The following CP variants were observed in gnomAD, a reference collection of about 807,000 sequenced individuals.
CP encodes ceruloplasmin, also known as caeruloplasmin.
Under a neutral mutation model 122.4 loss-of-function variants are expected in CP, and 64 were observed. The observed-to-expected ratio is 0.52, with a 90% confidence interval of 0.43 to 0.64. The LOEUF (loss-of-function observed/expected upper bound fraction) is 0.64. Among genes scored for constraint, CP ranks in the 30% least tolerant of loss-of-function variants. CP has a pLI of 0.00. For missense variants in CP, 1,167 were observed against 1,284.4 expected, an observed-to-expected ratio of 0.91 and a Z score of 1.40; for synonymous variants, 440 against 436.4, an observed-to-expected ratio of 1.01 and a Z score of -0.10.
In CP at chr3:149,206,312, T is replaced by C; in HGVS notation, c.1064A>G (p.Gln355Arg). The change falls in exon 6 of 19, where the codon CAG becomes CGG. Residue 355 changes from glutamine to arginine, a missense_variant. By Grantham distance (43) the Gln-to-Arg change is conservative. Coordinates refer to ENST00000264613, the MANE Select transcript of CP (RefSeq NM_000096.4). ...KAGLQAFFQVQECNKSSSKDN... is the reference protein window; with the variant it reads ...KAGLQAFFQVRECNKSSSKDN... ...CTTTGATGAAGACTTGTTACACTCCTGGACCTGGAAAAAGGCTTGCAAACC... is the reference window on the plus strand; with the variant it reads ...CTTTGATGAAGACTTGTTACACTCCCGGACCTGGAAAAAGGCTTGCAAACC... 6.2e-7 allele frequency: 1 copy of C among 1,613,970 alleles called. No homozygotes were observed. The highest frequency in any genetic ancestry group is 8.5e-7 in the Non-Finnish European group (1 of 1,179,832).
chr3:149,212,024 T>G (rs12107157), intron 2 of CP, among the ~76,000 whole-genome samples: 3 of 152,090 alleles, frequency 2.0e-5, no homozygotes, highest in Non-Finnish European at 4.4e-5. Context: ...CCGGGTGCAG[T>G]GACTCACGCC....
In CP at chr3:149,178,429, C is replaced by T. The variant is rs1725556395; in HGVS notation, c.2864G>A (p.Ser955Asn). 5 of 1,607,206 alleles carry T rather than the reference C, an allele frequency of 3.1e-6. No individual in the cohort carries two copies. In the East Asian group the frequency reaches 8.9e-5, roughly 29 times the overall value. ...ATGTGACATACCATGCATTTTATTGCTTTCTATGAATTCCTCATCATCTTT... is the reference window on the plus strand; with the variant it reads ...ATGTGACATACCATGCATTTTATTGTTTTCTATGAATTCCTCATCATCTTT... The part of the protein sequence containing the change: ...VNKDDEEFIE[S>N]NKMHAINGRM... The change falls in exon 16 of 19, where the codon AGC (serine) becomes AAC (asparagine). Residue 955 changes from serine to asparagine, a missense_variant. Physicochemically the swap from Ser to Asn is conservative, Grantham distance 46. This residue lies in a region of CP where 525 missense variants were observed against 657.2 expected (regional missense o/e 0.80). Transcript: ENST00000264613.
chr3:149,162,946 T>A, intron 5 of CP: 1 of 1,257,002 alleles, frequency 8.0e-7, no homozygotes, highest in Non-Finnish European at 1.2e-6. Flanking sequence ...TACCTTATTT[T>A]TAATAACTTA....
chr3:149,220,877 C>A (rs927222339), intron 1 of CP, among the ~76,000 whole-genome samples: 3 of 152,038 alleles, frequency 2.0e-5, no homozygotes, highest in African/African-American at 7.2e-5. Flanking sequence ...AAAGTGAAGA[C>A]CTCAGTATAG....
At chr3:149,164,980 G>A (rs1724263010) in intron 5 of CP, among the ~76,000 whole-genome samples, 1 of 152,176 alleles carries the variant, frequency 6.6e-6, no homozygotes, top group South Asian at 2.1e-4. Context: ...GCTTAGAGGA[G>A]GGAAGCTGAA....
At chr3:149,219,229 C>T (rs946921269) in intron 1 of CP, among the ~76,000 whole-genome samples, 32 of 152,154 alleles carry the variant, frequency 2.1e-4, no homozygotes, top group African/African-American at 7.7e-4. Context: ...GTTAAAGTCA[C>T]AGGACAATAA....
At chr3:149,194,689 T>C (rs1439033775) in intron 9 of CP, among the ~76,000 whole-genome samples, 1 of 152,140 alleles carries the variant, frequency 6.6e-6, no homozygotes, top group Non-Finnish European at 1.5e-5. Context: ...CTTGAACAAA[T>C]GGAAAGACAT....
chr3:149,205,378 T>TTC (rs1159908948), intron 6 of CP, among the ~76,000 whole-genome samples: 66 of 149,172 alleles, frequency 4.4e-4, no homozygotes, highest in African/African-American at 1.2e-3. Flanking sequence ...AGAAGCGGAA[T>TTC]CGCTTCTAGC....
chr3:149,214,674 A>C lies in CP; in HGVS notation c.147-1976T>G, dbSNP rs189675570. ...CCATTTCCCAATTTGTTAAAGCAAA[A>C]TAGGAAAAGATTGGGAGAGACTTCA... On this transcript the variant is annotated intron_variant, in intron 1 of 18. Coordinates refer to ENST00000264613, the MANE Select transcript of CP (RefSeq NM_000096.4). 9.2e-5 allele frequency among the ~76,000 whole-genome samples: 14 copies of C among 152,300 alleles called. No homozygotes were observed. The East Asian group carries it at 2.3e-3, about 25-fold the overall frequency.
At position 149,221,749 on chromosome 3, in the gene CP, G is replaced by C; in HGVS notation, c.44C>G (p.Thr15Ser). The change falls in exon 1 of 19, where the codon ACC (threonine) becomes AGC (serine). Residue 15 changes from threonine (T) to serine (S), a missense_variant. Thr to Ser is a moderately conservative substitution (Grantham distance 58). Around this residue, in one of 2 missense-constraint regions of CP, gnomAD observed 642 missense variants for 627.3 expected, o/e 1.02. Transcript: ENST00000264613. ...ATGCTTTTCTTTCGCCCAGGCTGGG[G>C]TACTACATAAAAACAGAAAAATACC... Reference protein sequence around the residue: ...ILGIFLFLCSTPAWAKEKHYY... With the variant: ...ILGIFLFLCSSPAWAKEKHYY... 1 of 1,613,682 alleles carries C rather than the reference G, an allele frequency of 6.2e-7. No homozygotes were observed. The highest frequency in any genetic ancestry group is 1.1e-5 in the South Asian group (1 of 91,022).
At position 149,210,378 on chromosome 3, in the gene CP, C is replaced by T. The variant is rs267599642; in HGVS notation, c.396G>A (p.Gly132=). The T allele has an allele frequency of 5.6e-6, 9 of 1,613,632 alleles. No individual in the cohort carries two copies. The highest frequency in any genetic ancestry group is 2.2e-5 in the South Asian group (2 of 91,050). ...HGITYYKEHE[G]AIYPDNTTDF... is the part of the protein sequence containing the mutation. Reference sequence around the variant, plus strand: ...CTGTGGTGTTATCAGGGTAGATGGCCCCTAGGAAGCAACATGCAATGAAGG... The same window carrying T: ...CTGTGGTGTTATCAGGGTAGATGGCTCCTAGGAAGCAACATGCAATGAAGG... Residue 132 remains glycine, a splice_region_variant and synonymous_variant, in exon 3 of 19, where the codon GGG becomes GGA. Coordinates refer to ENST00000264613, the MANE Select transcript of CP (RefSeq NM_000096.4).
intron 14 of CP, 133 bp from the exon 15 acceptor site, chr3:149,179,795 A>G (rs1725663603): frequency 1.5e-6 from 1 of 677,254 alleles, no homozygotes; most frequent in Non-Finnish European, 2.6e-6. Flanking sequence ...CAGTGTAATT[A>G]GTTTTTAAAA....
In CP at chr3:149,178,714, G is replaced by C. The variant is rs1016283844; in HGVS notation, c.2662-83C>G. The C allele has an allele frequency of 2.7e-5, 27 of 999,082 alleles. No individual in the cohort carries two copies. The Admixed American group carries it at 5.2e-4, about 19-fold the overall frequency. The allele number at this position is 999,082 out of a possible 1,614,324, so 61.9% of individuals were successfully genotyped here. A position where few individuals can be genotyped will look rare whatever the true frequency, so the allele number is the denominator to read the frequency against. On this transcript the variant is annotated intron_variant, in intron 15 of 18. Transcript: ENST00000264613. ...CTGAGACTTTGCACCCAGGGCCTCA[G>C]GAATTTTGGAGAGACCAATTGAAGT...
chr3:149,209,837 ACCGTGGAGTG>A (rs1727988575), intron 3 of CP, among the ~76,000 whole-genome samples: 1 of 152,218 alleles, frequency 6.6e-6, no homozygotes, highest in African/African-American at 2.4e-5. Context: ...CAGATCTATC[ACCGTGGAGTG>A]CCCTTTTGGT....
chr3:149,190,461 C>T (rs1002371161), intron 9 of CP, among the ~76,000 whole-genome samples: 2 of 152,228 alleles, frequency 1.3e-5, no homozygotes, highest in South Asian at 2.1e-4. Context: ...AGGTTGCAAC[C>T]AGCCTGGCCA....
At position 149,210,222 on chromosome 3, in the gene CP, A is replaced by G; in HGVS notation, c.552T>C (p.Asp184=). The stretch of plus-strand genomic sequence containing the variant: ...GTCCTGAGGCAATATCTTTTGGAGC[A>G]TCAATGTGGGAATGGTAAATCCTAG... The part of the protein sequence containing the change: ...CVTRIYHSHI[D]APKDIASGLI... The change falls in exon 3 of 19, where the codon GAT becomes GAC. Residue 184 remains aspartate, a synonymous_variant. Coordinates refer to ENST00000264613, the MANE Select transcript of CP (RefSeq NM_000096.4). The G allele has an allele frequency of 6.2e-7, 1 of 1,614,070 alleles. No homozygotes were observed. The highest frequency in any genetic ancestry group is 8.5e-7 in the Non-Finnish European group (1 of 1,179,936).
Position 149,206,302 on chromosome 3 carries a change from G to T in CP, c.1074C>A (p.Asn358Lys). ...LQAFFQVQEC[N>K]KSSSKDNIRG... ...GGATATTATCCTTTGATGAAGACTTGTTACACTCCTGGACCTGGAAAAAGG... is the reference window on the plus strand; with the variant it reads ...GGATATTATCCTTTGATGAAGACTTTTTACACTCCTGGACCTGGAAAAAGG... The change falls in exon 6 of 19, where the codon AAC becomes AAA. Residue 358 changes from asparagine (N) to lysine (K), a missense_variant. By Grantham distance (94) the Asn-to-Lys change is moderately conservative. This residue lies in a region of CP where 642 missense variants were observed against 627.3 expected (regional missense o/e 1.02). Transcript: ENST00000264613. 1 of 1,613,894 alleles carries T rather than the reference G, an allele frequency of 6.2e-7. No homozygotes were observed. Among genetic ancestry groups the T allele is most frequent in the Non-Finnish European group, 8.5e-7 (1 of 1,179,850 alleles).
intron 5 of CP, among the ~76,000 whole-genome samples, chr3:149,165,168 A>C (rs978750055): frequency 6.6e-6 from 1 of 152,186 alleles, no homozygotes; most frequent in South Asian, 2.1e-4. Context: ...CATTTCACGA[A>C]TATTGCTTGA....
rs185590585 is a variant in CP at position 149,202,947 on chromosome 3, C to A, written c.1209-706G>T. On this transcript the variant is annotated intron_variant, in intron 6 of 18. Coordinates refer to ENST00000264613, the MANE Select transcript of CP (RefSeq NM_000096.4). Reference sequence around the variant, plus strand: ...TTTCAGGTGGAGTCTCACTCTGTTGCCCAGGCTGGAGTGCAGTGGTGCCAT... The same window carrying A: ...TTTCAGGTGGAGTCTCACTCTGTTGACCAGGCTGGAGTGCAGTGGTGCCAT... Among the ~76,000 whole-genome samples, 1,341 of 141,396 alleles carry A rather than the reference C, an allele frequency of 9.5e-3. 36 individuals carry two copies. Among genetic ancestry groups the A allele is most frequent in the African/African-American group, 0.033 (1,234 of 36,932 alleles). 92.8% of individuals were successfully genotyped at this position (141,396 alleles called of 152,430 possible). A position where few individuals can be genotyped will look rare whatever the true frequency, so the allele number is the denominator to read the frequency against.
Sources: allele counts gnomAD v4.1 joint callset (sites outside exome capture counted in the v4.1 genomes callset), GRCh38; gene constraint gnomAD v4.1.1; regional missense constraint gnomAD v4.1.1; transcripts MANE v1.5; gene names NCBI Gene and HGNC (gene_info 2026-07-23, HGNC 2026-07-21).